GRK3: variants seen among roughly 807,000 people sequenced by gnomAD.
GRK3 encodes G protein-coupled receptor kinase 3.
Under a neutral mutation model 95.7 loss-of-function variants are expected in GRK3, and 54 were observed. The ratio of observed to expected loss-of-function variants is 0.56; its 90% confidence interval spans 0.45 to 0.71. The LOEUF (loss-of-function observed/expected upper bound fraction) is 0.71. GRK3 is among the 30% of genes least tolerant of loss of function. The pLI is 0.00. For missense variants in GRK3, 649 were observed against 851.2 expected, an observed-to-expected ratio of 0.76 and a Z score of 2.96; for synonymous variants, 281 against 290.8, an observed-to-expected ratio of 0.97 and a Z score of 0.34.
chr22:25,603,564 G>C (rs1049923715), intron 1 of GRK3, among the ~76,000 whole-genome samples: 3 of 152,082 alleles, frequency 2.0e-5, no homozygotes, highest in African/African-American at 7.2e-5. Flanking sequence ...TCTTTCTTCA[G>C]AAGTGTTTTG....
intron 2 of GRK3, among the ~76,000 whole-genome samples, chr22:25,628,401 G>C (rs1279338633): frequency 6.6e-6 from 1 of 152,210 alleles, no homozygotes; most frequent in African/African-American, 2.4e-5. Flanking sequence ...TGGATGTAGA[G>C]GGTTATTTAT....
intron 13 of GRK3, among the ~76,000 whole-genome samples, chr22:25,700,876 G>T (rs889966372): frequency 6.6e-6 from 1 of 152,190 alleles, no homozygotes; most frequent in Admixed American, 6.5e-5. Flanking sequence ...GACCCACCGC[G>T]CCCGGCCTCT....
Position 25,718,232 on chromosome 22 carries a change from T to C in GRK3, c.1655-13T>C, listed in dbSNP as rs1467384261. 6.2e-7 allele frequency: 1 copy of C among 1,610,434 alleles called. No individual in the cohort carries two copies. Among genetic ancestry groups the C allele is most frequent in the South Asian group, 1.1e-5 (1 of 90,746 alleles). On this transcript the variant is annotated splice_polypyrimidine_tract_variant and intron_variant, in intron 18 of 20. Coordinates refer to ENST00000324198, the MANE Select transcript of GRK3 (RefSeq NM_005160.4). ...AGAGCCTATTTAACTCCTAGTGATT[T>C]TGTATTCCTCAGATTACGCTCTGGG... is the stretch of plus-strand genomic sequence containing the variant.
intron 2 of GRK3, among the ~76,000 whole-genome samples, chr22:25,643,622 A>G (rs2084759166): frequency 1.3e-5 from 2 of 152,230 alleles, no homozygotes; most frequent in South Asian, 4.2e-4. Flanking sequence ...GAATTTTATA[A>G]TCTTCAAGTA....
At chr22:25,619,607 C>CAGGGTAGCT (rs1569166534) in intron 2 of GRK3, among the ~76,000 whole-genome samples, 2 of 151,340 alleles carry the variant, frequency 1.3e-5, no homozygotes, top group African/African-American at 2.4e-5. Context: ...TCTCAGCCTC[C>CAGGGTAGCT]AGGGTAGCTA....
At chr22:25,634,033 C>T (rs2084682535) in intron 2 of GRK3, among the ~76,000 whole-genome samples, 1 of 152,176 alleles carries the variant, frequency 6.6e-6, no homozygotes, top group African/African-American at 2.4e-5. Context: ...TCATTTTCTT[C>T]TTCTCTTTGA....
chr22:25,714,095 A>G (rs1032938653), intron 17 of GRK3, among the ~76,000 whole-genome samples: 1 of 152,214 alleles, frequency 6.6e-6, no homozygotes, highest in Non-Finnish European at 1.5e-5. Flanking sequence ...CAGTACTTCA[A>G]GTAAAATTCT....
chr22:25,688,189 T>TCG (rs2085136185), intron 11 of GRK3, among the ~76,000 whole-genome samples: 2 of 148,538 alleles, frequency 1.3e-5, no homozygotes, highest in Non-Finnish European at 3.0e-5. Flanking sequence ...TGAGCTGAGA[T>TCG]TGCACCACTG....
intron 5 of GRK3, among the ~76,000 whole-genome samples, chr22:25,664,428 A>C (rs2084928182): frequency 6.6e-6 from 1 of 152,142 alleles, no homozygotes; most frequent in Non-Finnish European, 1.5e-5. Flanking sequence ...GTCATTGAGT[A>C]ATATAATGGT....
intron 3 of GRK3, chr22:25,648,103 CA>C: frequency 1.7e-6 from 1 of 577,160 alleles, no homozygotes; most frequent in Admixed American, 2.9e-5. Flanking sequence ...GCGACAAGAG[CA>C]AAAACTCCGT....
intron 2 of GRK3, among the ~76,000 whole-genome samples, chr22:25,612,725 A>T (rs546422430): frequency 1.3e-5 from 2 of 152,262 alleles, no homozygotes; most frequent in South Asian, 4.1e-4. Flanking sequence ...ATAATACATA[A>T]ATTATATTTG....
rs968837036 is a variant in GRK3, at chr22:25,678,932, C to T, written c.747+17C>T. 1.2e-5 allele frequency: 17 copies of T among 1,441,900 alleles called. No individual in the cohort carries two copies. Among genetic ancestry groups the T allele is most frequent in the African/African-American group, 2.9e-5 (2 of 69,324 alleles). 89.3% of individuals were successfully genotyped at this position (1,441,900 alleles called of 1,614,324 possible). A position where few individuals can be genotyped will look rare whatever the true frequency, so the allele number is the denominator to read the frequency against. On this transcript the variant is annotated intron_variant, in intron 9 of 20. Transcript: ENST00000324198. ...AGCACAGGAGTAAGTATTCAATTTCCAGCATTTCTTTTAAAAATGTTTTGT... is the reference window on the plus strand; with the variant it reads ...AGCACAGGAGTAAGTATTCAATTTCTAGCATTTCTTTTAAAAATGTTTTGT...
chr22:25,720,467 CTTTTTTTTTTTTTTTTT>C (rs963248407), intron 19 of GRK3, among the ~76,000 whole-genome samples: 4 of 102,574 alleles, frequency 3.9e-5, no homozygotes, highest in Admixed American at 2.0e-4. Context: ...ATACTATAGA[CTTTTTTTTTTTTTTTTT>C]TTTTTTTTTT....
At chr22:25,631,662 A>T (rs1218095491) in intron 2 of GRK3, among the ~76,000 whole-genome samples, 1 of 152,234 alleles carries the variant, frequency 6.6e-6, no homozygotes, top group Non-Finnish European at 1.5e-5. Context: ...ACCAACGCAT[A>T]AAGTGTGCAG....
At chr22:25,679,933 A>G (rs1230264727) in intron 9 of GRK3, among the ~76,000 whole-genome samples, 1 of 152,222 alleles carries the variant, frequency 6.6e-6, no homozygotes, top group Non-Finnish European at 1.5e-5. Context: ...TTAGTGGGTA[A>G]TGAAAGAATC....
chr22:25,672,178 T>C (rs2084988239), intron 6 of GRK3, 118 bp from the exon 7 acceptor site: 1 of 560,572 alleles, frequency 1.8e-6, no homozygotes, highest in East Asian at 3.2e-5. Flanking sequence ...TTCAGAAAAC[T>C]TAACTTTATT....
intron 2 of GRK3, among the ~76,000 whole-genome samples, chr22:25,636,664 A>C (rs533977012): frequency 6.6e-6 from 1 of 152,314 alleles, no homozygotes; most frequent in East Asian, 1.9e-4. Flanking sequence ...CAAAAGACAG[A>C]ATATTTCCAT....
At chr22:25,681,448 G>A (rs1313707303) in intron 9 of GRK3, among the ~76,000 whole-genome samples, 1 of 151,876 alleles carries the variant, frequency 6.6e-6, no homozygotes, top group African/African-American at 2.4e-5. Context: ...GCTCCTCTGA[G>A]CCCAGGCACG....
chr22:25,606,350 G>C (rs528758486), intron 2 of GRK3, among the ~76,000 whole-genome samples: 1 of 152,214 alleles, frequency 6.6e-6, no homozygotes, highest in Non-Finnish European at 1.5e-5. Flanking sequence ...CTTAGGGAGA[G>C]CGCACACCAC....
Sources: allele counts gnomAD v4.1 joint callset (sites outside exome capture counted in the v4.1 genomes callset), GRCh38; gene constraint gnomAD v4.1.1; transcripts MANE v1.5; gene names NCBI Gene and HGNC (gene_info 2026-07-23, HGNC 2026-07-21).